THAP6: variants seen among roughly 807,000 people sequenced by gnomAD.
The protein encoded by THAP6 is THAP domain-containing protein 6.
Under a neutral mutation model 20.0 loss-of-function variants are expected in THAP6, and 13 were observed. The observed-to-expected ratio is 0.65, with a 90% CI of 0.42 to 1.03. The LOEUF (loss-of-function observed/expected upper bound fraction) is 1.03. THAP6 is among the 50% of genes least tolerant of loss of function. The pLI, the probability that THAP6 is intolerant of heterozygous loss-of-function variation, is 0.00. For missense variants in THAP6, 262 were observed against 261.6 expected (o/e 1.00, Z -0.01); for synonymous variants, 93 against 92.2 (o/e 1.01, Z -0.05).
chr4:75,514,506 T>G lies in THAP6; in HGVS notation c.-35T>G, dbSNP rs962696807. 5 of 520,680 alleles carry G rather than the reference T, an allele frequency of 9.6e-6. No homozygotes were observed. The highest frequency in any genetic ancestry group is 5.7e-5 in the African/African-American group (3 of 52,976). 32.3% of individuals were successfully genotyped at this position (520,680 alleles called of 1,614,324 possible). ...TCTCCGTCGTTGACGTTAGTCGCAG[T>G]CTTCGCTGCTAACGGTAATAACTCT... On this transcript the variant is annotated 5_prime_UTR_variant, in exon 1 of 5. Transcript: ENST00000311638.
chr4:75,527,946 A>T lies in THAP6; in HGVS notation c.*732A>T. On this transcript the variant is annotated 3_prime_UTR_variant, in exon 5 of 5. Transcript: ENST00000311638. ...TTTAAATGGTTGGTTGCTCTGACAG[A>T]TCTGAACACTTTGCTTCATGACTAT... 1 of 985,438 alleles carries T rather than the reference A, an allele frequency of 1.0e-6. No homozygotes were observed. Among genetic ancestry groups the T allele is most frequent in the African/African-American group, 1.7e-5 (1 of 57,362 alleles). 61.0% of individuals were successfully genotyped at this position (985,438 alleles called of 1,614,324 possible). A position where few individuals can be genotyped will look rare whatever the true frequency, so the allele number is the denominator to read the frequency against.
chr4:75,515,314 G>A (rs1578254730), intron 1 of THAP6, 119 bp from the exon 2 acceptor site: 1 of 859,618 alleles, frequency 1.2e-6, no homozygotes, highest in Admixed American at 2.2e-5. Context: ...GGTGTTAGAA[G>A]AAGATATTTG....
At chr4:75,523,800 C>CAAAAAAA (rs74684663) in intron 4 of THAP6, among the ~76,000 whole-genome samples, 2 of 72,732 alleles carry the variant, frequency 2.7e-5, no homozygotes, top group African/African-American at 4.1e-5. Context: ...GAACCTGTCT[C>CAAAAAAA]AAAAAAAAAA....
At chr4:75,539,706 C>T (rs1726954257) in intron 2 of THAP6, among the ~76,000 whole-genome samples, 1 of 152,218 alleles carries the variant, frequency 6.6e-6, no homozygotes, top group Admixed American at 6.5e-5. Flanking sequence ...AGTGGGTCAA[C>T]TTGCTGAACT....
chr4:75,527,578 T>C lies in THAP6; in HGVS notation c.*364T>C. Reference sequence around the variant, plus strand: ...AGATATTTGGCTTCAAAGGAGTACCTTTACTTACATGTGCTTTATGGTAAG... The same window carrying C: ...AGATATTTGGCTTCAAAGGAGTACCCTTACTTACATGTGCTTTATGGTAAG... On this transcript the variant is annotated 3_prime_UTR_variant, in exon 5 of 5. Transcript: ENST00000311638. 1.9e-6 allele frequency: 2 copies of C among 1,040,734 alleles called. No homozygotes were observed. Among genetic ancestry groups the C allele is most frequent in the South Asian group, 3.8e-5 (1 of 26,568 alleles). 64.5% of individuals were successfully genotyped at this position (1,040,734 alleles called of 1,614,324 possible).
chr4:75,522,875 C>T (rs1481501508), intron 4 of THAP6, among the ~76,000 whole-genome samples: 1 of 152,120 alleles, frequency 6.6e-6, no homozygotes, highest in East Asian at 1.9e-4. Context: ...CAAATATCGG[C>T]TATTGTGAAC....
chr4:75,542,647 G>T (rs1384381840), intron 3 of THAP6: 2 of 561,672 alleles, frequency 3.6e-6, no homozygotes, highest in East Asian at 2.8e-5. Context: ...CTGGTATAAC[G>T]ATGTCTTCAT....
intron 2 of THAP6, among the ~76,000 whole-genome samples, chr4:75,539,453 A>G (rs1034091801): frequency 2.0e-5 from 3 of 152,238 alleles, no homozygotes; most frequent in African/African-American, 4.8e-5. Context: ...ACAAATACAG[A>G]TAAGTGGGCA....
chr4:75,538,008 G>A (rs571727260), intron 2 of THAP6, among the ~76,000 whole-genome samples: 1 of 152,174 alleles, frequency 6.6e-6, no homozygotes, highest in Non-Finnish European at 1.5e-5. Flanking sequence ...TGTTACAATG[G>A]CAATAGGAAA....
At chr4:75,539,190 C>T (rs905795686) in intron 2 of THAP6, among the ~76,000 whole-genome samples, 1 of 152,174 alleles carries the variant, frequency 6.6e-6, no homozygotes, top group African/African-American at 2.4e-5. Flanking sequence ...TGCCTTTCTC[C>T]TCATTGTGCA....
chr4:75,529,341 A>G lies in THAP6; in HGVS notation c.*2127A>G. On this transcript the variant is annotated 3_prime_UTR_variant, in exon 5 of 5. Coordinates refer to ENST00000311638, the MANE Select transcript of THAP6 (RefSeq NM_144721.6). Reference sequence around the variant, plus strand: ...AAGACCTTTCCAAGAGTAAAATCCCAGTCTGCCACTATCAAAATTGCCACA... The same window carrying G: ...AAGACCTTTCCAAGAGTAAAATCCCGGTCTGCCACTATCAAAATTGCCACA... The G allele has an allele frequency of 1.0e-6, 1 of 985,424 alleles. No homozygotes were observed. The highest frequency in any genetic ancestry group is 1.2e-6 in the Non-Finnish European group (1 of 829,934). The allele number at this position is 985,424 out of a possible 1,614,324, so 61.0% of individuals were successfully genotyped here. A position where few individuals can be genotyped will look rare whatever the true frequency, so the allele number is the denominator to read the frequency against.
Position 75,528,732 on chromosome 4 carries a change from A to C in THAP6, c.*1518A>C. The C allele has an allele frequency of 5.1e-6, 5 of 979,084 alleles. No individual in the cohort carries two copies. The highest frequency in any genetic ancestry group is 6.0e-6 in the Non-Finnish European group (5 of 828,864). The allele number at this position is 979,084 out of a possible 1,614,324, so 60.6% of individuals were successfully genotyped here. On this transcript the variant is annotated 3_prime_UTR_variant, in exon 5 of 5. Coordinates refer to ENST00000311638, the MANE Select transcript of THAP6 (RefSeq NM_144721.6). ...TGAGGCCATATCTTTTTACAATCTG[A>C]AAAAAAAGTAGTAAAAAGGTAGTTA...
Position 75,528,159 on chromosome 4 carries a change from A to C in THAP6, c.*945A>C, listed in dbSNP as rs1726496997. 2 of 985,180 alleles carry C rather than the reference A, an allele frequency of 2.0e-6. No individual in the cohort carries two copies. The highest frequency in any genetic ancestry group is 2.4e-6 in the Non-Finnish European group (2 of 829,656). 61.0% of individuals were successfully genotyped at this position (985,180 alleles called of 1,614,324 possible). On this transcript the variant is annotated 3_prime_UTR_variant, in exon 5 of 5. Coordinates refer to ENST00000311638, the MANE Select transcript of THAP6 (RefSeq NM_144721.6). Reference sequence around the variant, plus strand: ...AAATAGGAATTGGAGAGAAAGGATTAGAATATTTTAATTAGGGGAGTAGAT... The same window carrying C: ...AAATAGGAATTGGAGAGAAAGGATTCGAATATTTTAATTAGGGGAGTAGAT...
intron 2 of THAP6, 21 bp from the exon 3 acceptor site, chr4:75,516,750 AT>A: frequency 1.3e-6 from 2 of 1,597,122 alleles, no homozygotes; most frequent in Non-Finnish European, 1.7e-6. Flanking sequence ...ATTTTAAAAT[AT>A]TTTTTGTATT....
rs1436829621 is a variant in THAP6 at position 75,527,775 on chromosome 4, G to A, written c.*561G>A. The stretch of plus-strand genomic sequence containing the variant: ...GAATAACACATAGTGAAGATCTGTG[G>A]GCTTTTAAAATTGTTCACAGCCAAT... On this transcript the variant is annotated 3_prime_UTR_variant, in exon 5 of 5. Transcript: ENST00000311638. 1.0e-6 allele frequency: 1 copy of A among 985,820 alleles called. No individual in the cohort carries two copies. Among genetic ancestry groups the A allele is most frequent in the African/African-American group, 1.8e-5 (1 of 57,126 alleles). 61.1% of individuals were successfully genotyped at this position (985,820 alleles called of 1,614,324 possible). A position where few individuals can be genotyped will look rare whatever the true frequency, so the allele number is the denominator to read the frequency against.
chr4:75,528,904 T>C lies in THAP6; in HGVS notation c.*1690T>C. On this transcript the variant is annotated 3_prime_UTR_variant, in exon 5 of 5. Coordinates refer to ENST00000311638, the MANE Select transcript of THAP6 (RefSeq NM_144721.6). ...TCTCTGCTAAAAATACAAAAAAAAA[T>C]TAGCCGGGCATGGTGGCACGTGCCT... The C allele has an allele frequency of 5.4e-6, 3 of 558,504 alleles. No homozygotes were observed. Among genetic ancestry groups the C allele is most frequent in the Non-Finnish European group, 6.8e-6 (3 of 440,368 alleles). 34.6% of individuals were successfully genotyped at this position (558,504 alleles called of 1,614,324 possible). A position where few individuals can be genotyped will look rare whatever the true frequency, so the allele number is the denominator to read the frequency against.
chr4:75,528,417 A>G lies in THAP6; in HGVS notation c.*1203A>G. The stretch of plus-strand genomic sequence containing the variant: ...AAAGCAACACTCTACTTAGAAGCAC[A>G]TGTACATACATGGACCTCATTCAGA... On this transcript the variant is annotated 3_prime_UTR_variant, in exon 5 of 5. Coordinates refer to ENST00000311638, the MANE Select transcript of THAP6 (RefSeq NM_144721.6). 1 of 985,410 alleles carries G rather than the reference A, an allele frequency of 1.0e-6. No individual in the cohort carries two copies. Among genetic ancestry groups the G allele is most frequent in the Non-Finnish European group, 1.2e-6 (1 of 829,894 alleles). 61.0% of individuals were successfully genotyped at this position (985,410 alleles called of 1,614,324 possible).
intron 2 of THAP6, chr4:75,539,750 T>G: frequency 6.8e-7 from 1 of 1,470,066 alleles, no homozygotes; most frequent in Non-Finnish European, 9.1e-7. Flanking sequence ...CAATAGCACC[T>G]TACCCATTGG....
upstream of THAP6, chr4:75,514,227 G>A: frequency 6.2e-7 from 1 of 1,613,098 alleles, no homozygotes; most frequent in Non-Finnish European, 8.5e-7. Context: ...CATAGTGCTC[G>A]CAGCCCCGCT....
Sources: gnomAD v4.1 joint callset for allele counts (sites outside exome capture counted in the v4.1 genomes callset) on GRCh38, gnomAD v4.1.1 for gene constraint, MANE v1.5 for transcripts, NCBI Gene and HGNC (gene_info 2026-07-23, HGNC 2026-07-21) for gene names.